The following KLHL20 variants were observed in gnomAD, a reference collection of about 807,000 sequenced individuals.
The protein encoded by KLHL20 is kelch like family member 20.
Under a neutral mutation model 69.5 loss-of-function variants are expected in KLHL20, and 29 were observed. The ratio of observed to expected loss-of-function variants is 0.42; its 90% CI spans 0.31 to 0.57. The LOEUF (loss-of-function observed/expected upper bound fraction) is 0.57. KLHL20 is among the 20% of genes least tolerant of loss of function. The pLI, the probability that KLHL20 is intolerant of heterozygous loss-of-function variation, is 0.18. For missense variants in KLHL20, 419 were observed against 776.0 expected (o/e 0.54, Z 5.47); for synonymous variants, 253 against 265.2 (o/e 0.95, Z 0.45).
intron 8 of KLHL20, among the ~76,000 whole-genome samples, chr1:173,772,792 A>T (rs776231217): frequency 6.6e-6 from 1 of 152,192 alleles, no homozygotes; most frequent in East Asian, 1.9e-4. Context: ...AAATTTCTGG[A>T]TCCAACTACC....
chr1:173,773,429 TATTA>T (rs1429340149), intron 8 of KLHL20, among the ~76,000 whole-genome samples: 3 of 149,442 alleles, frequency 2.0e-5, no homozygotes, highest in East Asian at 4.0e-4. Context: ...AATAAATAAA[TATTA>T]ATTAAATAAA....
Position 173,766,126 on chromosome 1 carries a change from T to C in KLHL20, c.1152-20T>C, listed in dbSNP as rs749467825. 11 of 1,561,764 alleles carry C rather than the reference T, an allele frequency of 7.0e-6. No homozygotes were observed. In the Middle Eastern group the frequency reaches 6.9e-4, roughly 97 times the overall value. Reference sequence around the variant, plus strand: ...TTCCTTTGTGTAATACAAACTCTCCTCTTGGTATGTTCTTTTCAGGTATGA... The same window carrying C: ...TTCCTTTGTGTAATACAAACTCTCCCCTTGGTATGTTCTTTTCAGGTATGA... On this transcript the variant is annotated intron_variant, in intron 7 of 11. Coordinates refer to ENST00000209884, the MANE Select transcript of KLHL20 (RefSeq NM_014458.4).
At chr1:173,780,278 A>G (rs899665132) in intron 10 of KLHL20, among the ~76,000 whole-genome samples, 1 of 152,214 alleles carries the variant, frequency 6.6e-6, no homozygotes, top group Non-Finnish European at 1.5e-5. Context: ...GTAGCTCCCA[A>G]TTTAGTGAAG....
At position 173,775,827 on chromosome 1, in the gene KLHL20, A is replaced by G. The variant is rs746665649; in HGVS notation, c.1623A>G (p.Thr541=). ...TNQWSPVVAM[T]SRRSGVGLAV... is the part of the protein sequence containing the mutation. ...AGTGGTCTCCAGTGGTGGCCATGAC[A>G]TCACGCCGTAGTGGAGTAAGTGGTT... The change falls in exon 10 of 12, where the codon ACA becomes ACG. Residue 541 remains threonine, a synonymous_variant. Transcript: ENST00000209884. 1 of 1,614,168 alleles carries G rather than the reference A, an allele frequency of 6.2e-7. No homozygotes were observed. The highest frequency in any genetic ancestry group is 1.7e-5 in the Admixed American group (1 of 60,020).
chr1:173,776,277 A>G lies in KLHL20; in HGVS notation c.1638+435A>G, dbSNP rs183005115. Reference sequence around the variant, plus strand: ...GATCTTTTGCCCACTTTTTAATTGGATTATTAGTTTTTTTCTATTGAGTTG... The same window carrying G: ...GATCTTTTGCCCACTTTTTAATTGGGTTATTAGTTTTTTTCTATTGAGTTG... On this transcript the variant is annotated intron_variant, in intron 10 of 11. Transcript: ENST00000209884. Among the ~76,000 whole-genome samples the G allele has an allele frequency of 2.4e-4, 36 of 151,842 alleles. No individual in the cohort carries two copies. The East Asian group carries it at 6.8e-3, about 29-fold the overall frequency.
intron 2 of KLHL20, among the ~76,000 whole-genome samples, chr1:173,719,225 TGA>T (rs1452567879): frequency 3.3e-5 from 5 of 152,312 alleles, no homozygotes; most frequent in Non-Finnish European, 5.9e-5. Context: ...CAGTCCCATT[TGA>T]GAGAGATTTA....
At chr1:173,724,558 T>C (rs1558180748) in intron 2 of KLHL20, among the ~76,000 whole-genome samples, 2 of 152,238 alleles carry the variant, frequency 1.3e-5, no homozygotes, top group African/African-American at 4.8e-5. Context: ...AATCCAAATA[T>C]CTTATTTCTA....
intron 10 of KLHL20, among the ~76,000 whole-genome samples, chr1:173,780,717 C>T (rs1238149870): frequency 3.9e-5 from 6 of 152,062 alleles, no homozygotes; most frequent in Non-Finnish European, 8.8e-5. Context: ...GTGGAAGCTA[C>T]GGTGAACTGT....
At chr1:173,742,645 G>A (rs1040593677) in intron 3 of KLHL20, among the ~76,000 whole-genome samples, 9 of 150,504 alleles carry the variant, frequency 6.0e-5, no homozygotes, top group Admixed American at 1.3e-4. Flanking sequence ...GTGTATATAC[G>A]TGTATGTATA....
intron 7 of KLHL20, among the ~76,000 whole-genome samples, chr1:173,764,164 C>T (rs927244536): frequency 6.6e-6 from 1 of 152,070 alleles, no homozygotes; most frequent in Admixed American, 6.5e-5. Flanking sequence ...CAAATGAAAA[C>T]CACAATGCGA....
chr1:173,753,854 A>G (rs982151392), intron 5 of KLHL20, among the ~76,000 whole-genome samples: 7 of 151,514 alleles, frequency 4.6e-5, no homozygotes, highest in African/African-American at 9.8e-5. Context: ...AAGGGGGGGA[A>G]AAAAGCAACC....
chr1:173,783,319 A>G (rs187062959), intron 11 of KLHL20, among the ~76,000 whole-genome samples: 1 of 152,194 alleles, frequency 6.6e-6, no homozygotes, highest in Non-Finnish European at 1.5e-5. Flanking sequence ...TCTTATGACC[A>G]TGAAGGATAA....
chr1:173,774,271 G>C, intron 8 of KLHL20, 34 bp from the exon 9 acceptor site: 1 of 1,613,496 alleles, frequency 6.2e-7, no homozygotes, highest in Non-Finnish European at 8.5e-7. Context: ...CACTTAATAA[G>C]AACAAGCATA....
intron 8 of KLHL20, among the ~76,000 whole-genome samples, chr1:173,769,200 G>T (rs547323005): frequency 6.6e-6 from 1 of 152,114 alleles, no homozygotes; most frequent in African/African-American, 2.4e-5. Context: ...CCAACTAAGT[G>T]CCAGAAGCAT....
At chr1:173,779,355 T>G (rs1403351573) in intron 10 of KLHL20, among the ~76,000 whole-genome samples, 1 of 149,918 alleles carries the variant, frequency 6.7e-6, no homozygotes, top group Non-Finnish European at 1.5e-5. Flanking sequence ...TTCTCCTTTT[T>G]TTTTTTTTTT....
intron 7 of KLHL20, among the ~76,000 whole-genome samples, chr1:173,758,740 A>G (rs889355915): frequency 6.6e-6 from 1 of 152,186 alleles, no homozygotes; most frequent in African/African-American, 2.4e-5. Flanking sequence ...TGGGTCCCCA[A>G]GCAGGCCATT....
chr1:173,721,498 G>C (rs986412627), intron 2 of KLHL20, among the ~76,000 whole-genome samples: 27 of 152,214 alleles, frequency 1.8e-4, no homozygotes, highest in African/African-American at 5.5e-4. Context: ...CTACCAATGA[G>C]ATGTCAGCAG....
At chr1:173,759,280 A>C (rs1409919943) in intron 7 of KLHL20, among the ~76,000 whole-genome samples, 1 of 152,042 alleles carries the variant, frequency 6.6e-6, no homozygotes, top group Admixed American at 6.6e-5. Context: ...CCCCCACCTG[A>C]TGGTCCTTCC....
chr1:173,733,766 C>T lies in KLHL20; in HGVS notation c.77C>T (p.Thr26Ile). 2 of 1,614,122 alleles carry T rather than the reference C, an allele frequency of 1.2e-6. No individual in the cohort carries two copies. The highest frequency in any genetic ancestry group is 1.7e-6 in the Non-Finnish European group (2 of 1,180,024). ...ETGMDVTSRC[T>I]LGDPNKLPEG... ...GGAATGGATGTAACAAGCCGCTGCA[C>T]CCTTGGAGACCCCAACAAACTGCCA... is the stretch of plus-strand genomic sequence containing the variant. The change falls in exon 3 of 12, where the codon ACC (threonine) becomes ATC (isoleucine). Residue 26 changes from threonine to isoleucine, a missense_variant. Physicochemically the swap from Thr to Ile is moderately conservative, Grantham distance 89. Transcript: ENST00000209884.
Sources: gnomAD v4.1 joint callset for allele counts (sites outside exome capture counted in the v4.1 genomes callset) on GRCh38, gnomAD v4.1.1 for gene constraint, MANE v1.5 for transcripts, NCBI Gene and HGNC (gene_info 2026-07-23, HGNC 2026-07-21) for gene names.